The following BLTP3B variants were observed in gnomAD, a reference collection of about 807,000 sequenced individuals.
BLTP3B encodes bridge-like lipid transfer protein family member 3B.
chr12:100,077,471 G>A, the BLTP3B span, among the ~76,000 whole-genome samples: 2 of 152,198 alleles, frequency 1.3e-5, no homozygotes, highest in African/African-American at 2.4e-5. Context: ...CACTTCTGAC[G>A]TTTTAAGCTA....
the BLTP3B span, among the ~76,000 whole-genome samples, chr12:100,124,934 TTTTATATATATATATATATATATATA>T: frequency 5.4e-5 from 2 of 37,000 alleles, no homozygotes; most frequent in Non-Finnish European, 5.3e-5. Context: ...AAAAAAAAAA[TTTTATATATATATATATATATATATA>T]TATATATATA....
chr12:100,120,139 G>T, the BLTP3B span, among the ~76,000 whole-genome samples: 51 of 152,280 alleles, frequency 3.3e-4, no homozygotes, highest in Admixed American at 1.3e-3. Flanking sequence ...CACTTCGGGA[G>T]GCCTAGGCGG....
At chr12:100,121,242 C>G in the BLTP3B span, among the ~76,000 whole-genome samples, 1 of 149,804 alleles carries the variant, frequency 6.7e-6, no homozygotes, top group Non-Finnish European at 1.5e-5. Context: ...CCCAGCTACT[C>G]GGGAGGGTGA....
chr12:100,044,094 T>C, the BLTP3B span, among the ~76,000 whole-genome samples: 1 of 152,150 alleles, frequency 6.6e-6, no homozygotes, highest in Non-Finnish European at 1.5e-5. Context: ...TTTTGTTTTG[T>C]TTTGTTTTTT....
chr12:100,047,982 T>C, the BLTP3B span: 14 of 1,569,096 alleles, frequency 8.9e-6, no homozygotes, highest in Middle Eastern at 1.7e-4. Context: ...GTATCTTCAT[T>C]GGCATTACTG....
At chr12:100,072,287 G>A in the BLTP3B span, among the ~76,000 whole-genome samples, 41 of 150,468 alleles carry the variant, frequency 2.7e-4, no homozygotes, top group African/African-American at 5.9e-4. Flanking sequence ...AACAAAAAAC[G>A]AAAAAACCTC....
the BLTP3B span, among the ~76,000 whole-genome samples, chr12:100,127,972 T>G: frequency 6.6e-6 from 1 of 152,074 alleles, no homozygotes; most frequent in African/African-American, 2.4e-5. Flanking sequence ...GTGACTGCAC[T>G]ACTGCACTCT....
the BLTP3B span, chr12:100,097,585 A>G: frequency 7.1e-7 from 1 of 1,418,280 alleles, no homozygotes; most frequent in Non-Finnish European, 9.5e-7. Context: ...AAACAAAGCA[A>G]ATGTATATTC....
chr12:100,099,215 A>G, the BLTP3B span, among the ~76,000 whole-genome samples: 9 of 151,836 alleles, frequency 5.9e-5, no homozygotes, highest in African/African-American at 1.4e-4. Flanking sequence ...GCTGGTCTCA[A>G]ACTCCTGTCC....
At chr12:100,059,531 A>G in the BLTP3B span, 19 of 1,575,098 alleles carry the variant, frequency 1.2e-5, no homozygotes, top group African/African-American at 1.2e-4. Context: ...AAGGAATGAC[A>G]AACTAGAAGA....
the BLTP3B span, chr12:100,103,876 TATAA>T: frequency 6.5e-7 from 1 of 1,544,704 alleles, no homozygotes; most frequent in South Asian, 1.2e-5. Context: ...AATGTATATA[TATAA>T]ATGTTTATTT....
chr12:100,116,682 ACAAGG>A, the BLTP3B span, among the ~76,000 whole-genome samples: 3 of 152,198 alleles, frequency 2.0e-5, no homozygotes, highest in African/African-American at 7.2e-5. Context: ...TAAGACAGGG[ACAAGG>A]CAAGGGTGTT....
At chr12:100,120,835 G>A in the BLTP3B span, among the ~76,000 whole-genome samples, 1 of 152,052 alleles carries the variant, frequency 6.6e-6, no homozygotes, top group Non-Finnish European at 1.5e-5. Context: ...TCCTCACGAA[G>A]ATTTATACAC....
chr12:100,091,183 ATTTTTTTTTT>A, the BLTP3B span, among the ~76,000 whole-genome samples: 1 of 81,218 alleles, frequency 1.2e-5, no homozygotes, highest in Admixed American at 1.6e-4. Flanking sequence ...CGCCTGGCTA[ATTTTTTTTTT>A]TTTTTTTTTT....
At chr12:100,049,804 T>C in the BLTP3B span, among the ~76,000 whole-genome samples, 1 of 152,198 alleles carries the variant, frequency 6.6e-6, no homozygotes, top group Non-Finnish European at 1.5e-5. Context: ...ACTTGATTAA[T>C]GTGATTTTAT....
the BLTP3B span, among the ~76,000 whole-genome samples, chr12:100,071,416 G>A: frequency 1.3e-5 from 2 of 150,274 alleles, no homozygotes; most frequent in East Asian, 4.0e-4. Flanking sequence ...AGAATTGTTT[G>A]GGCCCGGGAG....
the BLTP3B span, among the ~76,000 whole-genome samples, chr12:100,111,593 GTTTT>G: frequency 2.0e-5 from 3 of 149,680 alleles, no homozygotes; most frequent in South Asian, 2.1e-4. Flanking sequence ...CTAGTTTTTT[GTTTT>G]TTTTTGTTTG....
chr12:100,136,659 A>C, the BLTP3B span, among the ~76,000 whole-genome samples: 2 of 152,242 alleles, frequency 1.3e-5, no homozygotes, highest in African/African-American at 4.8e-5. Flanking sequence ...CTGGCAGACT[A>C]AATAAGCTAC....
chr12:100,137,102 C>A, the BLTP3B span, among the ~76,000 whole-genome samples: 1 of 152,304 alleles, frequency 6.6e-6, no homozygotes, highest in African/African-American at 2.4e-5. Flanking sequence ...TAAGCCACGG[C>A]GCCCAGCCTC....
Sources: allele counts gnomAD v4.1 joint callset (sites outside exome capture counted in the v4.1 genomes callset), GRCh38; gene constraint gnomAD v4.1.1; transcripts MANE v1.5; gene names NCBI Gene and HGNC (gene_info 2026-07-23, HGNC 2026-07-21).